RAB11FIP4: variants seen among roughly 807,000 people sequenced by gnomAD.
The protein encoded by RAB11FIP4 is rab11 family-interacting protein 4.
RAB11FIP4 carries 23 observed loss-of-function variants against 74.3 expected under a neutral mutation model. The ratio of observed to expected loss-of-function variants is 0.31; its 90% CI spans 0.22 to 0.44. RAB11FIP4 has a LOEUF of 0.44. RAB11FIP4 is among the 20% of genes least tolerant of loss of function. The pLI is 1.00. For synonymous variants in RAB11FIP4, 360 were observed against 359.9 expected, an observed-to-expected ratio of 1.00 and a Z score of 0.00; for missense variants, 630 against 863.9, an observed-to-expected ratio of 0.73 and a Z score of 3.39.
chr17:31,531,474 G>C, intron 14 of RAB11FIP4, 142 bp from the exon 15 acceptor site: 1 of 651,020 alleles, frequency 1.5e-6, no homozygotes, highest in Middle Eastern at 3.2e-4. Context: ...AAATGCTGAG[G>C]CTGTCCTGGG....
intron 10 of RAB11FIP4, chr17:31,526,012 C>G (rs1316120644): frequency 6.6e-6 from 1 of 152,216 alleles, no homozygotes; most frequent in Non-Finnish European, 1.5e-5. Context: ...GGGAGTTGGG[C>G]TCTCAGGCAG....
chr17:31,431,086 G>A (rs1181392482), intron 1 of RAB11FIP4, among the ~76,000 whole-genome samples: 1 of 152,092 alleles, frequency 6.6e-6, no homozygotes, highest in Non-Finnish European at 1.5e-5. Flanking sequence ...AAGATGAATT[G>A]TAAAAGCAAA....
At chr17:31,463,512 G>A (rs148281463) in intron 3 of RAB11FIP4, among the ~76,000 whole-genome samples, 389 of 152,164 alleles carry the variant, frequency 2.6e-3, no homozygotes, top group African/African-American at 8.8e-3. Context: ...CACAGCAAGA[G>A]CACCCAGAAC....
chr17:31,412,710 C>G (rs150502688), intron 1 of RAB11FIP4, among the ~76,000 whole-genome samples: 4 of 152,322 alleles, frequency 2.6e-5, no homozygotes, highest in African/African-American at 9.6e-5. Flanking sequence ...AGGAAATGTA[C>G]GTGAACACCA....
chr17:31,475,705 G>A (rs1315283062), intron 3 of RAB11FIP4, among the ~76,000 whole-genome samples: 1 of 152,112 alleles, frequency 6.6e-6, no homozygotes. Flanking sequence ...GGTCAAACAA[G>A]GCGACAAGCG....
chr17:31,500,503 T>A (rs964787971), intron 3 of RAB11FIP4, among the ~76,000 whole-genome samples: 5 of 152,228 alleles, frequency 3.3e-5, no homozygotes, highest in African/African-American at 1.2e-4. Context: ...TGACCCAGGA[T>A]AAAAGGCTCC....
At chr17:31,530,860 A>T (rs1022537999) in intron 14 of RAB11FIP4, 3 of 186,370 alleles carry the variant, frequency 1.6e-5, no homozygotes, top group African/African-American at 7.0e-5. Context: ...GTTTTCACTT[A>T]ATCTCCTGAT....
At chr17:31,502,753 G>T (rs1015350539) in intron 3 of RAB11FIP4, among the ~76,000 whole-genome samples, 11 of 152,118 alleles carry the variant, frequency 7.2e-5, no homozygotes, top group Non-Finnish European at 1.0e-4. Context: ...TGCTACGGCT[G>T]TCATAGCAAA....
chr17:31,402,598 T>A lies in RAB11FIP4; in HGVS notation c.159+10587T>A, dbSNP rs865962893. Among the ~76,000 whole-genome samples, 362 of 142,800 alleles carry A rather than the reference T, an allele frequency of 2.5e-3. 5 individuals carry two copies. Among genetic ancestry groups the A allele is most frequent in the African/African-American group, 8.6e-3 (330 of 38,314 alleles). 93.7% of individuals were successfully genotyped at this position (142,800 alleles called of 152,430 possible). A position where few individuals can be genotyped will look rare whatever the true frequency, so the allele number is the denominator to read the frequency against. ...TGAAGGCTCAGATTATTTTATTTAT[T>A]TTTATTTATTTATTTATTTATTTAT... On this transcript the variant is annotated intron_variant, in intron 1 of 14. Coordinates refer to ENST00000621161, the MANE Select transcript of RAB11FIP4 (RefSeq NM_032932.6).
rs1451168886 is a variant in RAB11FIP4, at chr17:31,505,463, CAT to C, written c.337-12184_337-12183del. Among the ~76,000 whole-genome samples the C allele has an allele frequency of 8.3e-4, 58 of 69,462 alleles. 4 individuals carry two copies. The highest frequency in any genetic ancestry group is 4.9e-3 in the South Asian group (13 of 2,668). The allele number at this position is 69,462 out of a possible 152,430, so 45.6% of individuals were successfully genotyped here. A position where few individuals can be genotyped will look rare whatever the true frequency, so the allele number is the denominator to read the frequency against. ...ATATAATATATAATAATTATTATAA[CAT>C]ATAATAATAATTATAATATATAATA... On this transcript the variant is annotated intron_variant, in intron 3 of 14. Transcript: ENST00000621161.
chr17:31,397,562 G>A (rs1440051820), intron 1 of RAB11FIP4, among the ~76,000 whole-genome samples: 1 of 152,228 alleles, frequency 6.6e-6, no homozygotes, highest in Admixed American at 6.5e-5. Flanking sequence ...GAGCCTGGCA[G>A]AAAAGGTGGG....
chr17:31,495,394 A>C (rs1387174760), intron 3 of RAB11FIP4, among the ~76,000 whole-genome samples: 1 of 67,656 alleles, frequency 1.5e-5, no homozygotes, highest in African/African-American at 5.2e-5. Context: ...TTTTTTTTTG[A>C]GACAGGGTTT....
intron 3 of RAB11FIP4, among the ~76,000 whole-genome samples, chr17:31,495,755 A>G (rs969061582): frequency 6.6e-5 from 10 of 152,208 alleles, no homozygotes; most frequent in African/African-American, 2.4e-4. Flanking sequence ...ACATTTTTGT[A>G]TGATTATCTG....
At chr17:31,497,082 G>A (rs2072130362) in intron 3 of RAB11FIP4, among the ~76,000 whole-genome samples, 1 of 152,174 alleles carries the variant, frequency 6.6e-6, no homozygotes, top group Admixed American at 6.5e-5. Context: ...ACCCCTTTGT[G>A]GACAGGCACG....
intron 3 of RAB11FIP4, among the ~76,000 whole-genome samples, chr17:31,463,589 C>T (rs376230354): frequency 6.6e-6 from 1 of 152,070 alleles, no homozygotes; most frequent in Admixed American, 6.6e-5. Context: ...CTGCAACCTC[C>T]GTCTCCCAGG....
chr17:31,496,095 A>G (rs1307181136), intron 3 of RAB11FIP4, among the ~76,000 whole-genome samples: 1 of 152,254 alleles, frequency 6.6e-6, no homozygotes, highest in African/African-American at 2.4e-5. Flanking sequence ...AATGAAATAG[A>G]AACTAGGTAA....
intron 1 of RAB11FIP4, among the ~76,000 whole-genome samples, chr17:31,406,254 G>A (rs146750455): frequency 3.9e-4 from 59 of 152,364 alleles, no homozygotes; most frequent in Middle Eastern, 3.4e-3. Flanking sequence ...ACCACTGACT[G>A]TCCCTTGGGC....
At position 31,441,399 on chromosome 17, in the gene RAB11FIP4, G is replaced by T. The variant is rs116770561; in HGVS notation, c.336+7277G>T. On this transcript the variant is annotated intron_variant, in intron 3 of 14. Transcript: ENST00000621161. Reference sequence around the variant, plus strand: ...GGGTGACTATATTTGGAGTTTTTGTGCTGATATGTGTAGGATCTTTTTGCT... The same window carrying T: ...GGGTGACTATATTTGGAGTTTTTGTTCTGATATGTGTAGGATCTTTTTGCT... 6.0e-3 allele frequency among the ~76,000 whole-genome samples: 909 copies of T among 152,178 alleles called. 6 individuals are homozygous for T. Among genetic ancestry groups the T allele is most frequent in the African/African-American group, 0.021 (854 of 41,528 alleles).
intron 3 of RAB11FIP4, among the ~76,000 whole-genome samples, chr17:31,502,658 A>G (rs2072244392): frequency 6.6e-6 from 1 of 152,206 alleles, no homozygotes; most frequent in African/African-American, 2.4e-5. Context: ...AGGTGGGCGA[A>G]AAATCCAGAC....
Sources: gnomAD v4.1 joint callset for allele counts (sites outside exome capture counted in the v4.1 genomes callset) on GRCh38, gnomAD v4.1.1 for gene constraint, MANE v1.5 for transcripts, NCBI Gene and HGNC (gene_info 2026-07-23, HGNC 2026-07-21) for gene names.